The following MRPL13 variants were observed in gnomAD, a reference collection of about 807,000 sequenced individuals.
MRPL13 encodes large ribosomal subunit protein uL13m.
Under a neutral mutation model 29.0 loss-of-function variants are expected in MRPL13, and 33 were observed. That is an observed-to-expected ratio of 1.14 (90% CI 0.86 to 1.52). The LOEUF is 1.52. Ranked by LOEUF, MRPL13 falls within the 40% of genes most tolerant of loss-of-function variation. MRPL13 has a pLI of 0.00. For missense variants in MRPL13, 227 were observed against 216.7 expected (o/e 1.05, Z -0.30); for synonymous variants, 77 against 68.4 (o/e 1.13, Z -0.62).
At chr8:120,417,794 T>C (rs1172882498) in intron 5 of MRPL13, among the ~76,000 whole-genome samples, 1 of 152,142 alleles carries the variant, frequency 6.6e-6, no homozygotes, top group Non-Finnish European at 1.5e-5. Context: ...TACCCTATAA[T>C]AATTTAGTTC....
At chr8:120,425,618 G>C (rs559864562) in intron 3 of MRPL13, among the ~76,000 whole-genome samples, 19 of 152,214 alleles carry the variant, frequency 1.2e-4, no homozygotes, top group African/African-American at 4.3e-4. Flanking sequence ...TATCTGAATT[G>C]TAAGTTATTA....
At chr8:120,405,907 TA>T (rs1202433229) in intron 6 of MRPL13, among the ~76,000 whole-genome samples, 1 of 152,214 alleles carries the variant, frequency 6.6e-6, no homozygotes, top group African/African-American at 2.4e-5. Context: ...TATGAATGCT[TA>T]AATATTTGAA....
intron 6 of MRPL13, among the ~76,000 whole-genome samples, chr8:120,400,846 A>G (rs1338395166): frequency 6.6e-6 from 1 of 152,074 alleles, no homozygotes; most frequent in Non-Finnish European, 1.5e-5. Flanking sequence ...ACACAAATAC[A>G]AACCACCATG....
intron 2 of MRPL13, among the ~76,000 whole-genome samples, chr8:120,433,324 C>T (rs1813017189): frequency 6.6e-6 from 1 of 152,056 alleles, no homozygotes; most frequent in Non-Finnish European, 1.5e-5. Flanking sequence ...ATTACTTTAG[C>T]TCACATTCAG....
At chr8:120,441,831 G>T (rs376669971) in intron 2 of MRPL13, among the ~76,000 whole-genome samples, 7 of 152,140 alleles carry the variant, frequency 4.6e-5, no homozygotes, top group African/African-American at 1.4e-4. Context: ...ATTTTTAGGA[G>T]ATGCATGCTG....
intron 6 of MRPL13, among the ~76,000 whole-genome samples, chr8:120,402,180 C>A (rs1257434840): frequency 6.6e-6 from 1 of 152,158 alleles, no homozygotes; most frequent in African/African-American, 2.4e-5. Flanking sequence ...CAATAAAGAG[C>A]CCAAATAGCC....
At chr8:120,408,976 C>T (rs1812711276) in intron 6 of MRPL13, among the ~76,000 whole-genome samples, 1 of 152,096 alleles carries the variant, frequency 6.6e-6, no homozygotes, top group South Asian at 2.1e-4. Context: ...TATTGAACTC[C>T]CTAATCCTCA....
rs374674504 is a variant in MRPL13, at chr8:120,426,479, C to A, written c.246-1113G>T. 7.3e-4 allele frequency among the ~76,000 whole-genome samples: 111 copies of A among 152,138 alleles called. 1 individual carries two copies. The highest frequency in any genetic ancestry group is 2.6e-3 in the African/African-American group (106 of 41,544). On this transcript the variant is annotated intron_variant, in intron 3 of 6. Coordinates refer to ENST00000306185, the MANE Select transcript of MRPL13 (RefSeq NM_014078.6). Reference sequence around the variant, plus strand: ...GAAATGCCTGTCTAGACTTCTATTCCTGCATTCTTTCTCTCCATGGAAAAA... The same window carrying A: ...GAAATGCCTGTCTAGACTTCTATTCATGCATTCTTTCTCTCCATGGAAAAA...
At chr8:120,412,329 ACT>A (rs1269201030) in intron 6 of MRPL13, among the ~76,000 whole-genome samples, 1 of 152,156 alleles carries the variant, frequency 6.6e-6, no homozygotes, top group Non-Finnish European at 1.5e-5. Context: ...TTACAATAAA[ACT>A]CTACACTAGC....
chr8:120,406,617 T>C (rs1586918453), intron 6 of MRPL13, among the ~76,000 whole-genome samples: 1 of 150,800 alleles, frequency 6.6e-6, no homozygotes, highest in Non-Finnish European at 1.5e-5. Flanking sequence ...ACAGCTATGA[T>C]ATATATTTTA....
At chr8:120,421,842 A>G (rs1353359054) in intron 4 of MRPL13, among the ~76,000 whole-genome samples, 1 of 151,804 alleles carries the variant, frequency 6.6e-6, no homozygotes, top group African/African-American at 2.4e-5. Flanking sequence ...ATAAAATAGA[A>G]ACTTTCATTT....
rs541512073 is a variant in MRPL13 at position 120,433,149 on chromosome 8, G to A, written c.152-1026C>T. Among the ~76,000 whole-genome samples, 21 of 152,154 alleles carry A rather than the reference G, an allele frequency of 1.4e-4. No individual in the cohort carries two copies. In the East Asian group the frequency reaches 4.1e-3, roughly 29 times the overall value. The stretch of plus-strand genomic sequence containing the variant: ...GAGGTATGAATGAAAGACCTGGGAA[G>A]CTTGCTGTTATTAGATGGAAAAGAA... On this transcript the variant is annotated intron_variant, in intron 2 of 6. Coordinates refer to ENST00000306185, the MANE Select transcript of MRPL13 (RefSeq NM_014078.6).
At chr8:120,423,404 C>A (rs1370561488) in intron 4 of MRPL13, among the ~76,000 whole-genome samples, 1 of 151,922 alleles carries the variant, frequency 6.6e-6, no homozygotes, top group Non-Finnish European at 1.5e-5. Flanking sequence ...ACTGAAGACA[C>A]CAGTACTCAA....
chr8:120,439,133 A>G (rs754813703), intron 2 of MRPL13, among the ~76,000 whole-genome samples: 1 of 152,216 alleles, frequency 6.6e-6, no homozygotes, highest in Non-Finnish European at 1.5e-5. Flanking sequence ...AATTTGTGTT[A>G]CTTGACGCAC....
intron 6 of MRPL13, among the ~76,000 whole-genome samples, chr8:120,407,261 G>A (rs776905106): frequency 2.6e-5 from 4 of 152,058 alleles, no homozygotes; most frequent in East Asian, 1.9e-4. Context: ...AAAACTTTTC[G>A]GAGATTTTAG....
At chr8:120,398,388 C>T (rs1459476330) in intron 6 of MRPL13, among the ~76,000 whole-genome samples, 3 of 152,120 alleles carry the variant, frequency 2.0e-5, no homozygotes, top group Admixed American at 2.0e-4. Context: ...CCCCAGCAAA[C>T]TGCAACAGTC....
At position 120,425,323 on chromosome 8, in the gene MRPL13, G is replaced by A; in HGVS notation, c.289C>T (p.Leu97=). 6.2e-7 allele frequency: 1 copy of A among 1,612,666 alleles called. No homozygotes were observed. Among genetic ancestry groups the A allele is most frequent in the Non-Finnish European group, 8.5e-7 (1 of 1,179,074 alleles). ...FRQVTAAQLH[L]RDPVAIVKLA... The stretch of plus-strand genomic sequence containing the variant: ...AAACTTACTGCCACTGGATCCCTCA[G>A]GTGAAGCTGAGCAGCTGTTACTTGT... The change falls in exon 4 of 7, where the codon CTG becomes TTG. Residue 97 remains leucine, a synonymous_variant. Transcript: ENST00000306185.
intron 4 of MRPL13, among the ~76,000 whole-genome samples, chr8:120,422,072 C>T (rs1264475565): frequency 1.3e-5 from 2 of 151,210 alleles, no homozygotes; most frequent in Non-Finnish European, 3.0e-5. Context: ...TTTTATAAAA[C>T]AGATATAAAC....
At chr8:120,400,721 TAAATAAATAAATAAATAAATAAAA>T (rs1398756216) in intron 6 of MRPL13, among the ~76,000 whole-genome samples, 187 of 132,266 alleles carry the variant, frequency 1.4e-3, no homozygotes, top group African/African-American at 5.4e-3. Flanking sequence ...AATAAATAAA[TAAATAAATAAATAAATAAATAAAA>T]AAAATAGACT....
Sources: gnomAD v4.1 joint callset for allele counts (sites outside exome capture counted in the v4.1 genomes callset) on GRCh38, gnomAD v4.1.1 for gene constraint, MANE v1.5 for transcripts, NCBI Gene and HGNC (gene_info 2026-07-23, HGNC 2026-07-21) for gene names.